ARID1B: variants seen among roughly 807,000 people sequenced by gnomAD.
ARID1B encodes the protein AT-rich interactive domain-containing protein 1B.
Under a neutral mutation model 212.3 loss-of-function variants are expected in ARID1B, and 30 were observed. The ratio of observed to expected loss-of-function variants is 0.14; its 90% CI spans 0.11 to 0.19. The LOEUF (loss-of-function observed/expected upper bound fraction) is 0.19. ARID1B is among the 10% of genes least tolerant of loss of function. The pLI, the probability that ARID1B is intolerant of heterozygous loss-of-function variation, is 1.00. For synonymous variants in ARID1B, 1,402 were observed against 1,301.7 expected (o/e 1.08, Z -1.66); for missense variants, 2,891 against 3,204.0 (o/e 0.90, Z 2.36).
At chr6:157,133,610 C>G (rs73791274) in intron 7 of ARID1B, among the ~76,000 whole-genome samples, 2,940 of 152,312 alleles carry the variant, frequency 0.019, 99 homozygotes, top group African/African-American at 0.067. Flanking sequence ...ACCGTCAAAA[C>G]CCTGAGCTGA....
At chr6:157,145,919 C>T (rs1789692344) in intron 7 of ARID1B, among the ~76,000 whole-genome samples, 1 of 152,180 alleles carries the variant, frequency 6.6e-6, no homozygotes, top group African/African-American at 2.4e-5. Context: ...TGGAACTGAG[C>T]TTAGCACATA....
At chr6:157,076,434 T>C (rs1383114036) in intron 4 of ARID1B, among the ~76,000 whole-genome samples, 1 of 151,944 alleles carries the variant, frequency 6.6e-6, no homozygotes, top group Non-Finnish European at 1.5e-5. Flanking sequence ...GCAATATTCC[T>C]GCCTAATTTT....
At chr6:157,071,591 T>C (rs781443888) in intron 4 of ARID1B, 12 of 152,382 alleles carry the variant, frequency 7.9e-5, no homozygotes, top group Non-Finnish European at 1.2e-4. Flanking sequence ...TGAGGAGTTA[T>C]TCCGGGCACA....
chr6:156,792,854 T>A (rs893387546), intron 1 of ARID1B, among the ~76,000 whole-genome samples: 3 of 152,188 alleles, frequency 2.0e-5, no homozygotes, highest in African/African-American at 4.8e-5. Context: ...GGTTTAGTCC[T>A]TAGGATGTCT....
rs767836617 is a variant in ARID1B at position 157,167,028 on chromosome 6, C to G, written c.3090-12C>G. 2 of 1,609,244 alleles carry G rather than the reference C, an allele frequency of 1.2e-6. No homozygotes were observed. The highest frequency in any genetic ancestry group is 2.2e-5 in the South Asian group (2 of 91,064). On this transcript the variant is annotated splice_polypyrimidine_tract_variant and intron_variant, in intron 8 of 19. Transcript: ENST00000636930. ...GGTCGGTATATGTGTGCTGTGCTTT[C>G]TCTTCCTGTAGGCAAGGCAGTTTCC...
At chr6:156,807,138 A>AG (rs1781222059) in intron 1 of ARID1B, among the ~76,000 whole-genome samples, 1 of 146,412 alleles carries the variant, frequency 6.8e-6, no homozygotes, top group African/African-American at 2.5e-5. Flanking sequence ...AGTATTGTGC[A>AG]CCCCCCCACG....
intron 3 of ARID1B, among the ~76,000 whole-genome samples, chr6:156,931,268 C>T (rs1344518832): frequency 1.3e-5 from 2 of 148,892 alleles, no homozygotes; most frequent in East Asian, 3.9e-4. Flanking sequence ...TAAAAAGTGT[C>T]TTTGACGTTT....
At chr6:156,971,549 A>G (rs1562519958) in intron 4 of ARID1B, among the ~76,000 whole-genome samples, 1 of 152,122 alleles carries the variant, frequency 6.6e-6, no homozygotes, top group Non-Finnish European at 1.5e-5. Flanking sequence ...TTAAAACAAC[A>G]TCTGTGTATT....
In ARID1B at chr6:157,030,810, A is replaced by G. The variant is rs142929513; in HGVS notation, c.2248-53852A>G. Among the ~76,000 whole-genome samples, 849 of 152,284 alleles carry G rather than the reference A, an allele frequency of 5.6e-3. 8 individuals carry two copies. Among genetic ancestry groups the G allele is most frequent in the African/African-American group, 0.02 (819 of 41,558 alleles). On this transcript the variant is annotated intron_variant, in intron 4 of 19. Coordinates refer to ENST00000636930, the MANE Select transcript of ARID1B (RefSeq NM_001374828.1). ...TTTTGATTGCATAGATGTATTTTTC[A>G]TTGTTACCAATATTTATTGGGTCCC... is the stretch of plus-strand genomic sequence containing the variant.
At chr6:156,797,835 G>A (rs748920968) in intron 1 of ARID1B, among the ~76,000 whole-genome samples, 4 of 152,348 alleles carry the variant, frequency 2.6e-5, no homozygotes, top group Non-Finnish European at 5.9e-5. Flanking sequence ...TGCCTGGTGA[G>A]GAGAGGTGCC....
chr6:156,950,893 A>G (rs1295026640), intron 4 of ARID1B, among the ~76,000 whole-genome samples: 1 of 152,240 alleles, frequency 6.6e-6, no homozygotes, highest in African/African-American at 2.4e-5. Flanking sequence ...CATTAAAACA[A>G]TAAAAATGTA....
intron 2 of ARID1B, among the ~76,000 whole-genome samples, chr6:156,889,280 CTGT>C (rs757984121): frequency 8.5e-5 from 13 of 152,116 alleles, no homozygotes; most frequent in African/African-American, 2.4e-4. Flanking sequence ...GGATTTTTTC[CTGT>C]TGTTCTTCTA....
chr6:156,833,626 T>G (rs1379574711), intron 2 of ARID1B, among the ~76,000 whole-genome samples: 3 of 152,172 alleles, frequency 2.0e-5, no homozygotes, highest in Non-Finnish European at 4.4e-5. Flanking sequence ...AAGGCATACA[T>G]GTATTGCGAA....
Position 156,779,473 on chromosome 6 carries a change from T to C in ARID1B, c.1791+2T>C. ...GGACCGACCATGGGCAGATCCCAGGTAACCCTCGCGCCAGCCGGGCCTGCT... is the reference window on the plus strand; with the variant it reads ...GGACCGACCATGGGCAGATCCCAGGCAACCCTCGCGCCAGCCGGGCCTGCT... On this transcript the variant is annotated splice_donor_variant, in intron 1 of 19. Transcript: ENST00000636930. LOFTEE classifies it high-confidence loss of function. 1 of 1,393,298 alleles carries C rather than the reference T, an allele frequency of 7.2e-7. No individual in the cohort carries two copies. The allele number at this position is 1,393,298 out of a possible 1,614,324, so 86.3% of individuals were successfully genotyped here.
At chr6:157,001,077 A>G (rs1318692775) in intron 4 of ARID1B, among the ~76,000 whole-genome samples, 1 of 152,218 alleles carries the variant, frequency 6.6e-6, no homozygotes, top group Non-Finnish European at 1.5e-5. Flanking sequence ...ATGCTCTAGA[A>G]TACATTTTAT....
chr6:157,165,742 G>A (rs1312987376), intron 8 of ARID1B, among the ~76,000 whole-genome samples: 11 of 152,166 alleles, frequency 7.2e-5, no homozygotes, highest in Admixed American at 7.2e-4. Flanking sequence ...CCAGCTATTT[G>A]GGAGAGTGAG....
chr6:156,942,999 T>C (rs1038092850), intron 4 of ARID1B: 1 of 152,210 alleles, frequency 6.6e-6, no homozygotes, highest in Non-Finnish European at 1.5e-5. Flanking sequence ...TATGTTTCTT[T>C]GGGACTGGAA....
intron 5 of ARID1B, among the ~76,000 whole-genome samples, chr6:157,100,988 G>T (rs947402870): frequency 6.6e-6 from 1 of 152,222 alleles, no homozygotes; most frequent in Non-Finnish European, 1.5e-5. Context: ...GGTAAAGTCA[G>T]ATGGTGGCAG....
chr6:156,829,894 T>A (rs979928109), intron 2 of ARID1B, among the ~76,000 whole-genome samples: 8 of 152,210 alleles, frequency 5.3e-5, no homozygotes. Context: ...TTTCATTTCT[T>A]AAATTATTTC....
Sources: gnomAD v4.1 joint callset for allele counts (sites outside exome capture counted in the v4.1 genomes callset) on GRCh38, gnomAD v4.1.1 for gene constraint, MANE v1.5 for transcripts, NCBI Gene and HGNC (gene_info 2026-07-23, HGNC 2026-07-21) for gene names.